Variants in ABI1 observed in about 807,000 individuals in gnomAD.
ABI1 encodes the protein abl interactor 1, also known as Abelson interactor 1.
In ABI1, 14 loss-of-function variants were observed where a neutral mutation model predicts 54.6. The ratio of observed to expected loss-of-function variants is 0.26; its 90% CI spans 0.17 to 0.40. The LOEUF (loss-of-function observed/expected upper bound fraction) is 0.40, where lower values mean the gene tolerates loss of function less well. Ranked by LOEUF, ABI1 falls within the 10% of genes least tolerant of loss-of-function variation. ABI1 has a pLI of 1.00. For missense variants in ABI1, 443 were observed against 598.3 expected, an observed-to-expected ratio of 0.74 and a Z score of 2.71; for synonymous variants, 194 against 209.3, an observed-to-expected ratio of 0.93 and a Z score of 0.63.
intron 1 of ABI1, among the ~76,000 whole-genome samples, chr10:26,842,968 C>T (rs1055578779): frequency 3.3e-5 from 5 of 151,732 alleles, no homozygotes; most frequent in Admixed American, 6.6e-5. Context: ...TGCTTGAACC[C>T]GGGAGGAGGA....
At chr10:26,775,977 T>C (rs571304526) in intron 3 of ABI1, among the ~76,000 whole-genome samples, 1 of 152,278 alleles carries the variant, frequency 6.6e-6, no homozygotes, top group South Asian at 2.1e-4. Context: ...TTCCCCAGAT[T>C]CTCGAAACTC....
Position 26,755,724 on chromosome 10 carries a change from G to T in ABI1, c.1015C>A (p.Pro339Thr). The T allele has an allele frequency of 1.2e-6, 2 of 1,613,076 alleles. No individual in the cohort carries two copies. The highest frequency in any genetic ancestry group is 1.7e-6 in the Non-Finnish European group (2 of 1,179,248). ...SQNSISIAPP[P>T]PPMPQLTPQI... The stretch of plus-strand genomic sequence containing the variant: ...GGAGTCAACTGAGGCATAGGGGGAG[G>T]GGGTGGAGCAATAGAAACTGGTAGC... Residue 339 changes from proline to threonine, a missense_variant, in exon 9 of 11, where the codon CCT (proline) becomes ACT (threonine). Physicochemically the swap from Pro to Thr is conservative, Grantham distance 38. Transcript: ENST00000376140.
At chr10:26,837,187 G>C (rs184562565) in intron 1 of ABI1, among the ~76,000 whole-genome samples, 83 of 152,338 alleles carry the variant, frequency 5.4e-4, no homozygotes, top group African/African-American at 1.9e-3. Flanking sequence ...CAAGAGAAAT[G>C]TATTTTCTCA....
intron 1 of ABI1, among the ~76,000 whole-genome samples, chr10:26,835,084 A>C: frequency 9.5e-6 from 1 of 105,256 alleles, no homozygotes; most frequent in Non-Finnish European, 1.8e-5. Context: ...GCAAGATTCT[A>C]CCTCAAAAAA....
At chr10:26,751,179 A>G (rs536234518) in intron 10 of ABI1, among the ~76,000 whole-genome samples, 12 of 152,362 alleles carry the variant, frequency 7.9e-5, no homozygotes, top group African/African-American at 2.6e-4. Flanking sequence ...GTACCATCAT[A>G]AAGTTGAAAA....
chr10:26,777,129 G>A lies in ABI1; in HGVS notation c.398C>T (p.Pro133Leu). Reference sequence around the variant, plus strand: ...GATAGGTTTCCGAATATACCTTACAGGGCGCTCCATATTCGCAGGTGCTAT... The same window carrying A: ...GATAGGTTTCCGAATATACCTTACAAGGCGCTCCATATTCGCAGGTGCTAT... ...KIIAPANMER[P>L]VRYIRKPIDY... is the part of the protein sequence containing the mutation. The change falls in exon 3 of 11, where the codon CCT becomes CTT. Residue 133 changes from proline to leucine, a missense_variant. Around this residue, in one of 2 missense-constraint regions of ABI1, gnomAD observed 394 missense variants for 484.8 expected, o/e 0.81. Coordinates refer to ENST00000376140, the MANE Select transcript of ABI1 (RefSeq NM_001012750.3). 6.2e-7 allele frequency: 1 copy of A among 1,613,920 alleles called. No individual in the cohort carries two copies. Among genetic ancestry groups the A allele is most frequent in the Non-Finnish European group, 8.5e-7 (1 of 1,179,922 alleles).
At chr10:26,845,142 G>A (rs1467880320) in intron 1 of ABI1, among the ~76,000 whole-genome samples, 2 of 132,840 alleles carry the variant, frequency 1.5e-5, no homozygotes, top group African/African-American at 3.0e-5. Context: ...TTACCTAAAT[G>A]CTTTAAAAAA....
At chr10:26,828,096 A>T (rs2048427429) in intron 1 of ABI1, among the ~76,000 whole-genome samples, 1 of 152,168 alleles carries the variant, frequency 6.6e-6, no homozygotes. Context: ...CAATTCTTTC[A>T]CTTGAACACT....
intron 2 of ABI1, among the ~76,000 whole-genome samples, chr10:26,792,229 T>C (rs1352112527): frequency 6.6e-6 from 1 of 152,250 alleles, no homozygotes; most frequent in Non-Finnish European, 1.5e-5. Flanking sequence ...GTCTGATTTA[T>C]TATATATGCA....
intron 1 of ABI1, among the ~76,000 whole-genome samples, chr10:26,825,378 T>C (rs2133829925): frequency 6.6e-6 from 1 of 151,916 alleles, no homozygotes; most frequent in East Asian, 1.9e-4. Context: ...AAATTTTTTT[T>C]GGCCGGGTGC....
intron 2 of ABI1, among the ~76,000 whole-genome samples, chr10:26,782,787 T>C (rs564771099): frequency 3.3e-5 from 5 of 150,426 alleles, no homozygotes; most frequent in Admixed American, 3.3e-4. Context: ...ATACCACTTA[T>C]CATTAGGGCA....
chr10:26,775,494 A>C (rs913582067), intron 3 of ABI1, among the ~76,000 whole-genome samples: 2 of 151,996 alleles, frequency 1.3e-5, no homozygotes, highest in Non-Finnish European at 2.9e-5. Flanking sequence ...TAAAAAAAAA[A>C]CCAAGCCCCC....
chr10:26,836,157 G>T (rs143359938), intron 1 of ABI1, among the ~76,000 whole-genome samples: 1 of 151,952 alleles, frequency 6.6e-6, no homozygotes, highest in Non-Finnish European at 1.5e-5. Flanking sequence ...CTGTCACCCA[G>T]GCTGCAGTGT....
chr10:26,759,274 A>G (rs775660768), intron 7 of ABI1, 36 bp from the exon 8 acceptor site: 3 of 1,601,152 alleles, frequency 1.9e-6, no homozygotes, highest in Non-Finnish European at 1.7e-6. Context: ...CAACAAAGAG[A>G]CTTGAGCATT....
chr10:26,801,687 C>A (rs2046573772), intron 2 of ABI1, among the ~76,000 whole-genome samples: 2 of 152,208 alleles, frequency 1.3e-5, no homozygotes, highest in Admixed American at 6.5e-5. Context: ...AATAAAATTT[C>A]TCTAAAAAGA....
chr10:26,813,149 T>C (rs1258176494), intron 2 of ABI1, among the ~76,000 whole-genome samples: 3 of 151,678 alleles, frequency 2.0e-5, no homozygotes, highest in African/African-American at 7.3e-5. Flanking sequence ...CTTGGGAGGC[T>C]GAGGCAGGAG....
At chr10:26,824,948 A>G (rs1360199630) in intron 1 of ABI1, among the ~76,000 whole-genome samples, 2 of 152,352 alleles carry the variant, frequency 1.3e-5, no homozygotes, top group East Asian at 3.8e-4. Flanking sequence ...AACTAGGTAC[A>G]TGCCTTAATT....
At chr10:26,787,202 T>C (rs1842822383) in intron 2 of ABI1, among the ~76,000 whole-genome samples, 3 of 152,194 alleles carry the variant, frequency 2.0e-5, no homozygotes. Flanking sequence ...CTCTCTATGG[T>C]GTAACCATGG....
chr10:26,821,893 A>AT (rs1352782965), intron 2 of ABI1, among the ~76,000 whole-genome samples: 3 of 152,172 alleles, frequency 2.0e-5, no homozygotes, highest in Admixed American at 6.5e-5. Context: ...TCCTAGAAAG[A>AT]TAAAAAGCTC....
Sources: allele counts gnomAD v4.1 joint callset (sites outside exome capture counted in the v4.1 genomes callset), GRCh38; gene constraint gnomAD v4.1.1; regional missense constraint gnomAD v4.1.1; transcripts MANE v1.5; gene names NCBI Gene and HGNC (gene_info 2026-07-23, HGNC 2026-07-21).